The following CEP63 variants were observed in gnomAD, a reference collection of about 807,000 sequenced individuals.
CEP63 encodes the protein centrosomal protein 63, also known as centrosomal protein of 63 kDa.
In CEP63, 84 loss-of-function variants were observed where a neutral mutation model predicts 89.1. The ratio of observed to expected loss-of-function variants is 0.94; its 90% CI spans 0.79 to 1.13. The LOEUF (loss-of-function observed/expected upper bound fraction) is 1.13. CEP63 is among the 50% of genes most tolerant of loss of function. The pLI, the probability that CEP63 is intolerant of heterozygous loss-of-function variation, is 0.00. For synonymous variants in CEP63, 267 were observed against 272.5 expected, an observed-to-expected ratio of 0.98 and a Z score of 0.20; for missense variants, 838 against 813.3, an observed-to-expected ratio of 1.03 and a Z score of -0.37.
intron 6 of CEP63, among the ~76,000 whole-genome samples, chr3:134,539,754 G>A (rs764400032): frequency 5.9e-5 from 9 of 151,870 alleles, no homozygotes; most frequent in Non-Finnish European, 1.2e-4. Context: ...GTATAATTCG[G>A]AAACAACTTC....
chr3:134,745,986 A>G, the CEP63 span, among the ~76,000 whole-genome samples: 3 of 151,032 alleles, frequency 2.0e-5, no homozygotes, highest in Non-Finnish European at 4.4e-5. Flanking sequence ...TTACATATGT[A>G]TACATGTGCC....
At chr3:134,588,798 AGATT>A (rs200671945), downstream of CEP63, among the ~76,000 whole-genome samples, 1,153 of 152,322 alleles carry the variant, frequency 7.6e-3, 17 homozygotes, top group African/African-American at 0.026. Flanking sequence ...AAGGCTAATA[AGATT>A]GATTGAACCT....
the CEP63 span, chr3:134,619,204 C>T: frequency 6.2e-7 from 1 of 1,613,938 alleles, no homozygotes; most frequent in East Asian, 2.2e-5. Flanking sequence ...TCTGGGTCCG[C>T]AGGATGTCAG....
chr3:134,601,326 A>G, the CEP63 span, among the ~76,000 whole-genome samples: 1 of 152,120 alleles, frequency 6.6e-6, no homozygotes, highest in Admixed American at 6.5e-5. Context: ...TGCTGGGGAC[A>G]GCTCCTATTT....
At chr3:134,749,845 T>A in the CEP63 span, among the ~76,000 whole-genome samples, 2 of 138,196 alleles carry the variant, frequency 1.4e-5, no homozygotes, top group East Asian at 2.4e-4. Flanking sequence ...CAGACAGGAA[T>A]GGAGCAAGCA....
chr3:134,496,983 A>C (rs751172317), intron 2 of CEP63, among the ~76,000 whole-genome samples: 3 of 152,134 alleles, frequency 2.0e-5, no homozygotes, highest in Non-Finnish European at 4.4e-5. Flanking sequence ...GGGTGAGATG[A>C]ATCATTGTGG....
chr3:134,646,538 T>C, the CEP63 span, among the ~76,000 whole-genome samples: 1 of 152,232 alleles, frequency 6.6e-6, no homozygotes, highest in African/African-American at 2.4e-5. Flanking sequence ...GTAAGCACTA[T>C]AGGCATTTGT....
At chr3:134,497,235 GTT>G (rs527881277) in intron 2 of CEP63, among the ~76,000 whole-genome samples, 49 of 152,096 alleles carry the variant, frequency 3.2e-4, no homozygotes, top group African/African-American at 1.1e-3. Context: ...TGACTCTATT[GTT>G]TCCTTTGCCG....
the CEP63 span, among the ~76,000 whole-genome samples, chr3:134,709,280 C>G: frequency 2.0e-5 from 3 of 152,018 alleles, no homozygotes; most frequent in Non-Finnish European, 4.4e-5. Context: ...CTTCAGGATT[C>G]CAGAGTATTG....
chr3:134,487,085 G>A (rs982818942), intron 1 of CEP63, among the ~76,000 whole-genome samples: 3 of 152,166 alleles, frequency 2.0e-5, no homozygotes, highest in Non-Finnish European at 4.4e-5. Context: ...CTTATTAAAA[G>A]AATTTATTAT....
intron 6 of CEP63, among the ~76,000 whole-genome samples, chr3:134,540,914 T>C (rs1951869317): frequency 6.6e-6 from 1 of 152,082 alleles, no homozygotes; most frequent in East Asian, 1.9e-4. Context: ...CCTGAGTAGC[T>C]GGGATTACAG....
chr3:134,732,688 T>C, the CEP63 span, among the ~76,000 whole-genome samples: 1 of 152,104 alleles, frequency 6.6e-6, no homozygotes, highest in Non-Finnish European at 1.5e-5. Flanking sequence ...CTGCATGTAA[T>C]TGGAGTCCCT....
intron 3 of CEP63, 58 bp from the exon 4 acceptor site, chr3:134,531,787 C>T: frequency 8.4e-7 from 1 of 1,192,500 alleles, no homozygotes; most frequent in Non-Finnish European, 1.3e-6. Context: ...ATTTTTATAT[C>T]TCAGGGATGT....
chr3:134,777,221 A>G, the CEP63 span, among the ~76,000 whole-genome samples: 1 of 151,930 alleles, frequency 6.6e-6, no homozygotes, highest in African/African-American at 2.4e-5. Flanking sequence ...TTTGGTTCTC[A>G]CTCTCCAATT....
chr3:134,718,482 T>G, the CEP63 span, among the ~76,000 whole-genome samples: 1 of 152,216 alleles, frequency 6.6e-6, no homozygotes, highest in African/African-American at 2.4e-5. Context: ...TATTATAATT[T>G]TATTGCTTTT....
chr3:134,568,313 A>G (rs1363165529), downstream of CEP63, among the ~76,000 whole-genome samples: 1 of 152,184 alleles, frequency 6.6e-6, no homozygotes, highest in Non-Finnish European at 1.5e-5. Flanking sequence ...GACCTAGGAC[A>G]TGTGTTTCAG....
the CEP63 span, among the ~76,000 whole-genome samples, chr3:134,680,232 C>T: frequency 6.6e-6 from 1 of 152,216 alleles, no homozygotes; most frequent in African/African-American, 2.4e-5. Context: ...AGCCACTCAG[C>T]CTGTGATACT....
intron 6 of CEP63, among the ~76,000 whole-genome samples, chr3:134,544,276 A>G (rs1952698134): frequency 6.6e-6 from 1 of 152,172 alleles, no homozygotes; most frequent in African/African-American, 2.4e-5. Flanking sequence ...TTCATCTTCA[A>G]TGTGTAGATG....
chr3:134,506,970 G>C, intron 2 of CEP63, 139 bp from the exon 3 acceptor site: 1 of 492,070 alleles, frequency 2.0e-6, no homozygotes, highest in Non-Finnish European at 3.6e-6. Context: ...CTTTGCTTCT[G>C]GTAATTTATT....
Sources: allele counts gnomAD v4.1 joint callset (sites outside exome capture counted in the v4.1 genomes callset), GRCh38; gene constraint gnomAD v4.1.1; transcripts MANE v1.5; gene names NCBI Gene and HGNC (gene_info 2026-07-23, HGNC 2026-07-21).